The following FLII variants were observed in gnomAD, a reference collection of about 807,000 sequenced individuals.
The protein encoded by FLII is FLII actin remodeling protein.
In FLII, 101 loss-of-function variants were observed where a neutral mutation model predicts 156.2. The observed-to-expected ratio is 0.65, with a 90% CI of 0.55 to 0.76. The LOEUF (loss-of-function observed/expected upper bound fraction) is 0.76. FLII is among the 30% of genes least tolerant of loss of function. The probability of loss-of-function intolerance (pLI) is 0.00; values close to 1 mark genes in which losing one functional copy is unlikely to be tolerated. For synonymous variants in FLII, 767 were observed against 685.8 expected (o/e 1.12, Z -1.85); for missense variants, 1,675 against 1,682.8 (o/e 1.00, Z 0.08).
intron 14 of FLII, 21 bp downstream of exon 14, chr17:18,250,817 C>CTG (rs1362075642): frequency 6.3e-7 from 1 of 1,599,182 alleles, no homozygotes; most frequent in Non-Finnish European, 8.6e-7. Context: ...CTGCCCACCC[C>CTG]CAATTTTAAC....
In FLII at chr17:18,246,694, A is replaced by C; in HGVS notation, c.2951T>G (p.Val984Gly). The C allele has an allele frequency of 6.2e-7, 1 of 1,613,684 alleles. No homozygotes were observed. Among genetic ancestry groups the C allele is most frequent in the Non-Finnish European group, 8.5e-7 (1 of 1,179,828 alleles). The part of the protein sequence containing the change: ...KQPEEDFQCI[V>G]YFWQGREASN... ...GGCTTCACGGCCCTGCCAGAAGTAC[A>C]CGATGCACTGGAAGTCCTCCTCTGG... The change falls in exon 23 of 30, where the codon GTG becomes GGG. Residue 984 changes from valine (V) to glycine (G), a missense_variant. Coordinates refer to ENST00000327031, the MANE Select transcript of FLII (RefSeq NM_002018.4).
chr17:18,256,807 G>A (rs533476461), intron 2 of FLII, 102 bp downstream of exon 2: 582 of 845,312 alleles, frequency 6.9e-4, no homozygotes, highest in Non-Finnish European at 9.9e-4. Flanking sequence ...GCTCATAGCT[G>A]TCGGTGTTCC....
intron 3 of FLII, 57 bp downstream of exon 3, chr17:18,256,469 C>G (rs562080183): frequency 4.3e-6 from 6 of 1,404,756 alleles, no homozygotes; most frequent in Non-Finnish European, 4.9e-6. Flanking sequence ...GGCTTCACGT[C>G]CCTGACCGGA....
intron 3 of FLII, 82 bp from the exon 4 acceptor site, chr17:18,255,345 G>C (rs2048383299): frequency 3.5e-6 from 4 of 1,141,074 alleles, no homozygotes; most frequent in South Asian, 2.7e-5. Context: ...CACCTCCTCA[G>C]GCAGCTCACC....
chr17:18,254,840 G>T lies in FLII; in HGVS notation c.342C>A (p.Asn114Lys). The T allele has an allele frequency of 6.2e-7, 1 of 1,614,178 alleles. No homozygotes were observed. Among genetic ancestry groups the T allele is most frequent in the Non-Finnish European group, 8.5e-7 (1 of 1,180,020 alleles). Residue 114 changes from asparagine (N) to lysine (K), a missense_variant, in exon 5 of 30, where the codon AAC (asparagine) becomes AAA (lysine). By Grantham distance (94) the Asn-to-Lys change is moderately conservative. This residue lies in a region of FLII where 343 missense variants were observed against 413.5 expected (regional missense o/e 0.83). Coordinates refer to ENST00000327031, the MANE Select transcript of FLII (RefSeq NM_002018.4). Reference sequence around the variant, plus strand: ...GCTCCCGCGGGCACTCTGTCAGCTGGTTGTGGCTCAAGTCCTGGGTAGAAG... The same window carrying T: ...GCTCCCGCGGGCACTCTGTCAGCTGTTTGTGGCTCAAGTCCTGGGTAGAAG... ...DDLSVLDLSH[N>K]QLTECPRELE...
intron 12 of FLII, 67 bp from the exon 13 acceptor site, chr17:18,251,544 C>T (rs577357507): frequency 7.6e-5 from 119 of 1,562,176 alleles, no homozygotes; most frequent in Admixed American, 2.9e-4. Context: ...TTACTTGCTA[C>T]CCACACCTCA....
Position 18,248,557 on chromosome 17 carries a change from A to G in FLII, c.2183T>C (p.Leu728Pro). The change falls in exon 18 of 30, where the codon CTG becomes CCG. Residue 728 changes from leucine (L) to proline (P), a missense_variant. Leu to Pro is a moderately conservative substitution (Grantham distance 98). Coordinates refer to ENST00000327031, the MANE Select transcript of FLII (RefSeq NM_002018.4). ...CTCAGCAGCAGGGCTCACCTTGTACAGCTTGGGCTGCGGCGGCCAGAAGTC... is the reference window on the plus strand; with the variant it reads ...CTCAGCAGCAGGGCTCACCTTGTACGGCTTGGGCTGCGGCGGCCAGAAGTC... ...PEDFWPPQPK[L>P]YKVGLGLGYL... 6.2e-7 allele frequency: 1 copy of G among 1,609,004 alleles called. No homozygotes were observed. Among genetic ancestry groups the G allele is most frequent in the Non-Finnish European group, 8.5e-7 (1 of 1,177,968 alleles).
intron 3 of FLII, among the ~76,000 whole-genome samples, chr17:18,256,047 G>A (rs2048406173): frequency 6.6e-6 from 1 of 152,262 alleles, no homozygotes; most frequent in Admixed American, 6.5e-5. Flanking sequence ...CTGATGTTCT[G>A]GGACGTTCAA....
Position 18,249,167 on chromosome 17 carries a change from A to C in FLII, c.1894T>G (p.Leu632Val). The change falls in exon 16 of 30, where the codon TTG becomes GTG. Residue 632 changes from leucine to valine, a missense_variant. Leu to Val is a conservative substitution (Grantham distance 32, BLOSUM62 1). Transcript: ENST00000327031. ...YRVYGKKNIK[L>V]EPVPLKGTSL... ...GTCCCCTTGAGGGGCACAGGCTCCA[A>C]CTTGATGTTCTTTTTCCCATACACA... The C allele has an allele frequency of 6.2e-7, 1 of 1,614,124 alleles. No individual in the cohort carries two copies.
In FLII at chr17:18,245,749, G is replaced by C. The variant is rs552633072; in HGVS notation, c.3498C>G (p.Leu1166=). 1.2e-6 allele frequency: 2 copies of C among 1,613,898 alleles called. No homozygotes were observed. Among genetic ancestry groups the C allele is most frequent in the East Asian group, 2.2e-5 (1 of 44,864 alleles). The change falls in exon 27 of 30, where the codon CTC becomes CTG. Residue 1166 remains leucine (L), a synonymous_variant. Coordinates refer to ENST00000327031, the MANE Select transcript of FLII (RefSeq NM_002018.4). Reference sequence around the variant, plus strand: ...GGTCAGGGCCCTGGCCTCACCGGAAGAGACGTGTGTGTTTCATGTACTCGG... The same window carrying C: ...GGTCAGGGCCCTGGCCTCACCGGAACAGACGTGTGTGTTTCATGTACTCGG... The part of the protein sequence containing the change: ...DDAEYMKHTR[L]FRCSNEKGYF...
At chr17:18,249,722 G>A (rs1265143140) in intron 14 of FLII, among the ~76,000 whole-genome samples, 8 of 151,912 alleles carry the variant, frequency 5.3e-5, no homozygotes, top group South Asian at 2.1e-4. Flanking sequence ...CCTGGGAGGC[G>A]GAGGTTGCAG....
Position 18,245,115 on chromosome 17 carries a change from G to A in FLII, c.*23C>T. 6.2e-7 allele frequency: 1 copy of A among 1,601,856 alleles called. No homozygotes were observed. The highest frequency in any genetic ancestry group is 8.5e-7 in the Non-Finnish European group (1 of 1,172,154). On this transcript the variant is annotated 3_prime_UTR_variant, in exon 30 of 30. Transcript: ENST00000327031. Reference sequence around the variant, plus strand: ...GAGGCCCCTTCCTCTTCCTCACCAAGCCTGGGGCTGTGCCAGCCTGTCTTA... The same window carrying A: ...GAGGCCCCTTCCTCTTCCTCACCAAACCTGGGGCTGTGCCAGCCTGTCTTA...
intron 14 of FLII, 147 bp downstream of exon 14, chr17:18,250,691 C>G (rs1319897222): frequency 1.2e-6 from 1 of 830,688 alleles, no homozygotes; most frequent in Non-Finnish European, 1.9e-6. Context: ...TGCCTTAGGT[C>G]CCGCACAGTA....
intron 6 of FLII, 63 bp from the exon 7 acceptor site, chr17:18,254,245 T>G: frequency 7.4e-7 from 1 of 1,357,198 alleles, no homozygotes; most frequent in Non-Finnish European, 1.0e-6. Flanking sequence ...GGGTGGGGCT[T>G]GGCAGGGCAG....
chr17:18,256,501 C>T (rs747365027), intron 3 of FLII, 25 bp downstream of exon 3: 63 of 1,543,178 alleles, frequency 4.1e-5, no homozygotes, highest in Middle Eastern at 1.7e-4. Flanking sequence ...ACCCCAAGCT[C>T]GGTGGCCTCC....
rs1039050815 is a variant in FLII at position 18,244,854 on chromosome 17, A to AAAG, written c.*281_*283dup. The AAAG allele has an allele frequency of 2.5e-6, 1 of 400,522 alleles. No homozygotes were observed. Among genetic ancestry groups the AAAG allele is most frequent in the African/African-American group, 2.1e-5 (1 of 48,620 alleles). The allele number at this position is 400,522 out of a possible 1,614,324, so 24.8% of individuals were successfully genotyped here. ...ATACTGATTTTTAATATTGAAAATA[A>AAAG]AAGCATTTAATATCTCTTAAAGGGC... On this transcript the variant is annotated 3_prime_UTR_variant, in exon 30 of 30. Coordinates refer to ENST00000327031, the MANE Select transcript of FLII (RefSeq NM_002018.4).
rs369453467 is a variant in FLII at position 18,247,836 on chromosome 17, G to A, written c.2308C>T (p.Leu770=). 11 of 1,613,640 alleles carry A rather than the reference G, an allele frequency of 6.8e-6. No homozygotes were observed. In the African/African-American group the frequency reaches 1.5e-4, roughly 22 times the overall value. Residue 770 remains leucine (L), a synonymous_variant, in exon 20 of 30, where the codon CTG becomes TTG. Transcript: ENST00000327031. ...AGAATGTACACGCAGCGCGTGTCCA[G>A]CAGACTCTGCAGCTGCGGACCGGGA... ...MPRMRLLQSL[L]DTRCVYILDC...
intron 1 of FLII, chr17:18,257,376 G>A (rs1300917167): frequency 4.1e-6 from 1 of 244,998 alleles, no homozygotes; most frequent in Non-Finnish European, 8.0e-6. Flanking sequence ...CCTGGGGTGG[G>A]GGATCCCCCT....
chr17:18,255,375 T>C (rs112043598), intron 3 of FLII, 112 bp from the exon 4 acceptor site: 4 of 774,546 alleles, frequency 5.2e-6, no homozygotes, highest in African/African-American at 1.7e-5. Flanking sequence ...GCCTGAGGAC[T>C]CTCTCACCTC....
Sources: gnomAD v4.1 joint callset for allele counts (sites outside exome capture counted in the v4.1 genomes callset) on GRCh38, gnomAD v4.1.1 for gene constraint, gnomAD v4.1.1 regional missense constraint, MANE v1.5 for transcripts, NCBI Gene and HGNC (gene_info 2026-07-23, HGNC 2026-07-21) for gene names.